Variants in LRRIQ1 observed in about 807,000 individuals in gnomAD.
The protein encoded by LRRIQ1 is leucine-rich repeat- and IQ domain-containing protein 1.
In LRRIQ1, 210 loss-of-function variants were observed where a neutral mutation model predicts 211.9. The ratio of observed to expected loss-of-function variants is 0.99; its 90% CI spans 0.89 to 1.11. The LOEUF (loss-of-function observed/expected upper bound fraction) is 1.11, where lower values mean the gene tolerates loss of function less well. Ranked by LOEUF, LRRIQ1 falls within the 50% of genes most tolerant of loss-of-function variation. The probability of loss-of-function intolerance (pLI) is 0.00; values close to 1 mark genes in which losing one functional copy is unlikely to be tolerated. For missense variants in LRRIQ1, 2,136 were observed against 1,939.5 expected (o/e 1.10, Z -1.90); for synonymous variants, 699 against 650.1 (o/e 1.08, Z -1.14).
At chr12:85,260,692 A>G (rs1896260590) in intron 1 of LRRIQ1, among the ~76,000 whole-genome samples, 1 of 152,190 alleles carries the variant, frequency 6.6e-6, no homozygotes, top group Non-Finnish European at 1.5e-5. Context: ...TCCAGGCAAC[A>G]GTTATATTTA....
At position 85,056,115 on chromosome 12, in the gene LRRIQ1, T is replaced by A. The variant is rs1592709727; in HGVS notation, c.1322T>A (p.Leu441Gln). The change falls in exon 8 of 27, where the codon CTA (leucine) becomes CAA (glutamine). Residue 441 changes from leucine (L) to glutamine (Q), a missense_variant. Coordinates refer to ENST00000393217, the MANE Select transcript of LRRIQ1 (RefSeq NM_001079910.2). ...AAGCAGGAAGATGTTCTCCTTTGGC[T>A]AGTTGAGGAATCAAATATGAAAGAA... ...SKKQEDVLLW[L>Q]VEESNMKENV... The A allele has an allele frequency of 1.9e-6, 3 of 1,601,918 alleles. No homozygotes were observed. Among genetic ancestry groups the A allele is most frequent in the Non-Finnish European group, 2.5e-6 (3 of 1,176,642 alleles).
At chr12:85,137,144 TAC>T (rs1889192575) in intron 18 of LRRIQ1, among the ~76,000 whole-genome samples, 2 of 151,558 alleles carry the variant, frequency 1.3e-5, no homozygotes, top group Non-Finnish European at 3.0e-5. Flanking sequence ...TATATATTTA[TAC>T]ACAGTTTTTC....
chr12:85,227,796 A>G (rs1036922760), intron 24 of LRRIQ1, among the ~76,000 whole-genome samples: 2 of 152,162 alleles, frequency 1.3e-5, no homozygotes, highest in Admixed American at 6.5e-5. Flanking sequence ...AATAACCACA[A>G]CAGCATGGTA....
intron 24 of LRRIQ1, among the ~76,000 whole-genome samples, chr12:85,179,388 A>G (rs766795609): frequency 2.0e-5 from 3 of 151,982 alleles, no homozygotes; most frequent in Non-Finnish European, 4.4e-5. Flanking sequence ...TTGTGAAGAC[A>G]TTGCAGTAAA....
chr12:85,266,196 A>G (rs1464145362), downstream of LRRIQ1, among the ~76,000 whole-genome samples: 1 of 152,086 alleles, frequency 6.6e-6, no homozygotes, highest in Non-Finnish European at 1.5e-5. Flanking sequence ...CTTGTAATCT[A>G]TTTCATATCA....
intron 24 of LRRIQ1, among the ~76,000 whole-genome samples, chr12:85,209,709 G>A (rs1040851765): frequency 6.6e-6 from 1 of 152,068 alleles, no homozygotes; most frequent in Non-Finnish European, 1.5e-5. Context: ...TTTTGAGGTA[G>A]CTGCCACAGG....
intron 11 of LRRIQ1, among the ~76,000 whole-genome samples, chr12:85,097,506 G>A (rs1885990841): frequency 6.6e-6 from 1 of 151,696 alleles, no homozygotes; most frequent in Non-Finnish European, 1.5e-5. Flanking sequence ...AGAACATGCG[G>A]TGTTTGGTTT....
At chr12:85,261,925 G>A (rs1264782283) in intron 1 of LRRIQ1, among the ~76,000 whole-genome samples, 1 of 151,940 alleles carries the variant, frequency 6.6e-6, no homozygotes, top group Non-Finnish European at 1.5e-5. Flanking sequence ...CGAGTAGCTG[G>A]GATTACAGGC....
Position 85,055,973 on chromosome 12 carries a change from C to T in LRRIQ1, c.1180C>T (p.Leu394=). ...IILREDASQQ[L]IISSALKKSG... ...ATTAAGAGAAGATGCAAGCCAACAGCTAATAATAAGTAGTGCATTAAAGAA... is the reference window on the plus strand; with the variant it reads ...ATTAAGAGAAGATGCAAGCCAACAGTTAATAATAAGTAGTGCATTAAAGAA... Residue 394 remains leucine (L), a synonymous_variant, in exon 8 of 27, where the codon CTA becomes TTA. Transcript: ENST00000393217. The T allele has an allele frequency of 6.2e-7, 1 of 1,609,246 alleles. No individual in the cohort carries two copies. The highest frequency in any genetic ancestry group is 1.1e-5 in the South Asian group (1 of 90,002).
intron 26 of LRRIQ1, among the ~76,000 whole-genome samples, chr12:85,243,709 T>C (rs1895580010): frequency 6.6e-6 from 1 of 151,534 alleles, no homozygotes. Flanking sequence ...TAAATAAATT[T>C]GGAAAAATAG....
chr12:85,060,332 A>G (rs1326245985), intron 8 of LRRIQ1, among the ~76,000 whole-genome samples: 1 of 152,026 alleles, frequency 6.6e-6, no homozygotes, highest in Non-Finnish European at 1.5e-5. Context: ...ACTAAAGAGC[A>G]ATAATTATGG....
chr12:85,084,981 T>G (rs534443897), intron 11 of LRRIQ1, among the ~76,000 whole-genome samples: 86 of 152,072 alleles, frequency 5.7e-4, no homozygotes, highest in Non-Finnish European at 1.0e-3. Context: ...TGGAAATATA[T>G]TATGGTACTA....
chr12:85,158,676 A>G (rs930502574), intron 23 of LRRIQ1, among the ~76,000 whole-genome samples: 9 of 152,080 alleles, frequency 5.9e-5, no homozygotes, highest in East Asian at 3.9e-4. Flanking sequence ...TTGAACATCT[A>G]TTTAATACCT....
At chr12:85,188,563 A>G (rs1462862522) in intron 24 of LRRIQ1, among the ~76,000 whole-genome samples, 1 of 152,144 alleles carries the variant, frequency 6.6e-6, no homozygotes, top group Non-Finnish European at 1.5e-5. Context: ...AGTACTCATA[A>G]GACTGACATA....
chr12:85,062,819 C>T (rs1202037552), intron 8 of LRRIQ1, among the ~76,000 whole-genome samples: 1 of 151,850 alleles, frequency 6.6e-6, no homozygotes, highest in African/African-American at 2.4e-5. Context: ...TCTCTACCAA[C>T]AATGAACAGG....
At chr12:85,051,538 G>C (rs1880319416) in intron 6 of LRRIQ1, among the ~76,000 whole-genome samples, 1 of 152,132 alleles carries the variant, frequency 6.6e-6, no homozygotes, top group South Asian at 2.1e-4. Flanking sequence ...TGAAAACCTA[G>C]TGATTTCAAA....
chr12:85,092,360 C>CCATTTTATTTATTT (rs1250996434), intron 11 of LRRIQ1, among the ~76,000 whole-genome samples: 19 of 152,280 alleles, frequency 1.2e-4, no homozygotes, highest in African/African-American at 4.3e-4. Context: ...TTTTATTTAT[C>CCATTTTATTTATTT]ATTTCCATCC....
chr12:85,194,026 G>A (rs2136964449), intron 24 of LRRIQ1, among the ~76,000 whole-genome samples: 1 of 113,676 alleles, frequency 8.8e-6, no homozygotes, highest in South Asian at 3.4e-4. Context: ...TGCAATCCTA[G>A]TCTCTGATAA....
At chr12:85,257,279 C>A (rs183997251) in intron 1 of LRRIQ1, among the ~76,000 whole-genome samples, 1 of 100,322 alleles carries the variant, frequency 1.0e-5, no homozygotes, top group African/African-American at 3.7e-5. Flanking sequence ...CAACTATAAG[C>A]GTCACTTATG....
Sources: gnomAD v4.1 joint callset for allele counts (sites outside exome capture counted in the v4.1 genomes callset) on GRCh38, gnomAD v4.1.1 for gene constraint, MANE v1.5 for transcripts, NCBI Gene and HGNC (gene_info 2026-07-23, HGNC 2026-07-21) for gene names.